XRCC4: variants seen among roughly 807,000 people sequenced by gnomAD.
XRCC4 encodes X-ray repair cross complementing 4, also known as DNA repair protein XRCC4.
In XRCC4, 28 loss-of-function variants were observed where a neutral mutation model predicts 39.1. The ratio of observed to expected loss-of-function variants is 0.72; its 90% CI spans 0.53 to 0.98. XRCC4 has a LOEUF of 0.98. XRCC4 is among the 50% of genes least tolerant of loss of function. The pLI is 0.00. For missense variants in XRCC4, 350 were observed against 376.4 expected, an observed-to-expected ratio of 0.93 and a Z score of 0.58; for synonymous variants, 123 against 126.4, an observed-to-expected ratio of 0.97 and a Z score of 0.18.
the XRCC4 span, among the ~76,000 whole-genome samples, chr5:83,371,488 A>G: frequency 2.0e-5 from 3 of 152,234 alleles, no homozygotes; most frequent in Non-Finnish European, 4.4e-5. Flanking sequence ...GAAATAAACA[A>G]GAAAACATGT....
At chr5:83,144,978 C>T (rs1007041536) in intron 3 of XRCC4, among the ~76,000 whole-genome samples, 6 of 152,116 alleles carry the variant, frequency 3.9e-5, no homozygotes, top group African/African-American at 9.7e-5. Context: ...TCACTGCAAG[C>T]TCCGCCTCCC....
chr5:83,278,236 G>A (rs1020777298), intron 7 of XRCC4, among the ~76,000 whole-genome samples: 37 of 152,158 alleles, frequency 2.4e-4, no homozygotes, highest in South Asian at 8.3e-4. Flanking sequence ...AGATTGAAGC[G>A]GTAGTCTTCA....
rs1187345448 is a variant in XRCC4, at chr5:83,332,460, TACAG to T, written c.894-20666_894-20663del. Among the ~76,000 whole-genome samples, 8 of 152,312 alleles carry T rather than the reference TACAG, an allele frequency of 5.3e-5. No homozygotes were observed. In the South Asian group the frequency reaches 1.4e-3, roughly 28 times the overall value. ...GGCAGTCCATGTCAATTTAATATTA[TACAG>T]ACAGTGTCTAGAAAAGCATAATTCA... On this transcript the variant is annotated intron_variant, in intron 7 of 7. Coordinates refer to ENST00000396027, the MANE Select transcript of XRCC4 (RefSeq NM_003401.5).
chr5:83,138,967 A>T (rs1748033158), intron 3 of XRCC4, among the ~76,000 whole-genome samples: 1 of 152,118 alleles, frequency 6.6e-6, no homozygotes, highest in African/African-American at 2.4e-5. Context: ...ATTTCTGTAT[A>T]CCTTTACTCC....
At chr5:83,090,852 C>T (rs374783672) in intron 1 of XRCC4, among the ~76,000 whole-genome samples, 26 of 152,258 alleles carry the variant, frequency 1.7e-4, no homozygotes, top group East Asian at 9.6e-4. Flanking sequence ...TAATATCACA[C>T]ACACTCATTA....
chr5:83,316,053 A>T (rs1432951881), intron 7 of XRCC4, among the ~76,000 whole-genome samples: 3 of 152,080 alleles, frequency 2.0e-5, no homozygotes, highest in Non-Finnish European at 2.9e-5. Context: ...GGAGGTGGTA[A>T]AATTATCAAC....
chr5:83,140,173 A>C (rs1459735372), intron 3 of XRCC4, among the ~76,000 whole-genome samples: 1 of 152,238 alleles, frequency 6.6e-6, no homozygotes. Flanking sequence ...TCATATGATC[A>C]CAAGGTGAAG....
At chr5:83,124,452 T>C (rs1328236498) in intron 3 of XRCC4, among the ~76,000 whole-genome samples, 1 of 152,190 alleles carries the variant, frequency 6.6e-6, no homozygotes, top group Non-Finnish European at 1.5e-5. Context: ...AGTAGATCAT[T>C]TTCTTTATTG....
chr5:83,267,601 T>A (rs1468572931), intron 7 of XRCC4, among the ~76,000 whole-genome samples: 1 of 152,142 alleles, frequency 6.6e-6, no homozygotes, highest in Non-Finnish European at 1.5e-5. Flanking sequence ...TGGTAGGAGA[T>A]GGGAAAGCAA....
chr5:83,342,896 G>A (rs28360331), intron 7 of XRCC4, among the ~76,000 whole-genome samples: 3,726 of 152,162 alleles, frequency 0.024, 144 homozygotes, highest in African/African-American at 0.084. Context: ...CATTTAAGAA[G>A]TGTTTCCATA....
At chr5:83,273,615 A>G (rs977599346) in intron 7 of XRCC4, among the ~76,000 whole-genome samples, 4 of 152,128 alleles carry the variant, frequency 2.6e-5, no homozygotes, top group Non-Finnish European at 5.9e-5. Context: ...GAAGGGATCT[A>G]GTTTCAGTTT....
At chr5:83,226,893 AG>A (rs796615021) in intron 6 of XRCC4, among the ~76,000 whole-genome samples, 98 of 152,180 alleles carry the variant, frequency 6.4e-4, no homozygotes, top group African/African-American at 2.2e-3. Flanking sequence ...TGTCAGCTTT[AG>A]AAAAGTATTG....
At chr5:83,248,257 CT>C (rs1248652434) in intron 6 of XRCC4, among the ~76,000 whole-genome samples, 1 of 152,146 alleles carries the variant, frequency 6.6e-6, no homozygotes, top group Admixed American at 6.5e-5. Context: ...TTAAAAAATA[CT>C]TTAGGGAGTT....
chr5:83,196,830 G>A (rs1160686930), intron 4 of XRCC4, among the ~76,000 whole-genome samples: 1 of 151,684 alleles, frequency 6.6e-6, no homozygotes, highest in African/African-American at 2.4e-5. Context: ...CATATTTAGG[G>A]TCTTTTTAGC....
At chr5:83,332,464 G>A (rs750993641) in intron 7 of XRCC4, among the ~76,000 whole-genome samples, 24 of 152,116 alleles carry the variant, frequency 1.6e-4, no homozygotes, top group Non-Finnish European at 8.8e-5. Flanking sequence ...ATATTATACA[G>A]ACAGTGTCTA....
intron 7 of XRCC4, among the ~76,000 whole-genome samples, chr5:83,324,609 T>A (rs1241428901): frequency 6.6e-6 from 1 of 152,130 alleles, no homozygotes; most frequent in Non-Finnish European, 1.5e-5. Context: ...CTTTTTAGTG[T>A]AGCTAAAAGA....
intron 3 of XRCC4, among the ~76,000 whole-genome samples, chr5:83,126,017 A>G (rs1747245494): frequency 6.7e-6 from 1 of 150,066 alleles, no homozygotes; most frequent in African/African-American, 2.4e-5. Flanking sequence ...AAATTGAGTT[A>G]CGTGAATCTT....
chr5:83,133,176 T>C (rs111640187), intron 3 of XRCC4, among the ~76,000 whole-genome samples: 3,837 of 152,268 alleles, frequency 0.025, 81 homozygotes, highest in East Asian at 0.073. Flanking sequence ...TTTGCCTGGG[T>C]ATGACCATCG....
At chr5:83,290,267 A>G (rs997768346) in intron 7 of XRCC4, among the ~76,000 whole-genome samples, 1 of 151,782 alleles carries the variant, frequency 6.6e-6, no homozygotes, top group African/African-American at 2.4e-5. Context: ...TATCTCCTTC[A>G]TATAATAAAT....
Sources: allele counts gnomAD v4.1 joint callset (sites outside exome capture counted in the v4.1 genomes callset), GRCh38; gene constraint gnomAD v4.1.1; transcripts MANE v1.5; gene names NCBI Gene and HGNC (gene_info 2026-07-23, HGNC 2026-07-21).